The following ROBO1 variants were observed in gnomAD, a reference collection of about 807,000 sequenced individuals.
ROBO1 encodes roundabout guidance receptor 1, also known as roundabout homolog 1.
Under a neutral mutation model 195.9 loss-of-function variants are expected in ROBO1, and 149 were observed. That is an observed-to-expected ratio of 0.76 (90% CI 0.67 to 0.87). ROBO1 has a LOEUF of 0.87. Among genes scored for constraint, ROBO1 ranks in the 40% least tolerant of loss-of-function variants. The probability of loss-of-function intolerance (pLI) is 0.00; values close to 1 mark genes in which losing one functional copy is unlikely to be tolerated. For synonymous variants in ROBO1, 816 were observed against 733.2 expected, an observed-to-expected ratio of 1.11 and a Z score of -1.82; for missense variants, 1,933 against 2,068.3, an observed-to-expected ratio of 0.93 and a Z score of 1.27.
At chr3:78,676,826 G>A (rs899998094) in intron 10 of ROBO1, among the ~76,000 whole-genome samples, 22 of 152,166 alleles carry the variant, frequency 1.4e-4, no homozygotes, top group South Asian at 4.1e-4. Flanking sequence ...TACAGAGAAC[G>A]CCACAAATAT....
chr3:79,002,420 A>C (rs1576545571), intron 3 of ROBO1, among the ~76,000 whole-genome samples: 1 of 152,158 alleles, frequency 6.6e-6, no homozygotes, highest in Non-Finnish European at 1.5e-5. Flanking sequence ...TGAAGAGATA[A>C]AATTAAATAA....
chr3:79,532,902 T>C (rs1282925779), intron 2 of ROBO1: 2 of 193,356 alleles, frequency 1.0e-5, no homozygotes, highest in African/African-American at 4.8e-5. Flanking sequence ...ATGGTTTCAC[T>C]TGGATTAATC....
At chr3:78,953,545 G>C (rs1180418284) in intron 3 of ROBO1, among the ~76,000 whole-genome samples, 1 of 151,906 alleles carries the variant, frequency 6.6e-6, no homozygotes. Flanking sequence ...TCTACCAAGG[G>C]AGGCAGAAAT....
intron 2 of ROBO1, among the ~76,000 whole-genome samples, chr3:79,310,260 T>C (rs975886937): frequency 6.6e-6 from 1 of 152,218 alleles, no homozygotes; most frequent in Admixed American, 6.5e-5. Flanking sequence ...CCTGACTCTG[T>C]TAAAAGCTGC....
intron 2 of ROBO1, among the ~76,000 whole-genome samples, chr3:79,222,072 A>G (rs929896224): frequency 1.3e-5 from 2 of 151,970 alleles, no homozygotes; most frequent in Non-Finnish European, 2.9e-5. Flanking sequence ...GCATACTGTG[A>G]TTTTCTGCCT....
At chr3:79,459,446 T>C (rs1171012462) in intron 2 of ROBO1, among the ~76,000 whole-genome samples, 1 of 151,480 alleles carries the variant, frequency 6.6e-6, no homozygotes, top group African/African-American at 2.4e-5. Context: ...GAGAATTAGT[T>C]TTGATAAGGA....
chr3:79,731,211 G>A (rs185521152), intron 1 of ROBO1, among the ~76,000 whole-genome samples: 5 of 152,262 alleles, frequency 3.3e-5, no homozygotes, highest in Admixed American at 3.3e-4. Flanking sequence ...TTTTTAAAAA[G>A]TGTGTGTGTG....
intron 4 of ROBO1, among the ~76,000 whole-genome samples, chr3:78,828,737 C>T (rs2031871598): frequency 6.6e-6 from 1 of 152,134 alleles, no homozygotes; most frequent in South Asian, 2.1e-4. Flanking sequence ...TTGCCCTTGA[C>T]AAAGGTCAAA....
At chr3:78,898,380 GT>G (rs773377988) in intron 4 of ROBO1, among the ~76,000 whole-genome samples, 665 of 101,072 alleles carry the variant, frequency 6.6e-3, no homozygotes, top group African/African-American at 0.018. Context: ...GATAGATAGG[GT>G]TTTTTTTTTT....
At chr3:79,625,799 T>C (rs527563354) in intron 1 of ROBO1, among the ~76,000 whole-genome samples, 1 of 152,258 alleles carries the variant, frequency 6.6e-6, no homozygotes, top group African/African-American at 2.4e-5. Flanking sequence ...ACTGGTACGA[T>C]TCCTTCTGAA....
chr3:79,127,975 T>A (rs969535319), intron 2 of ROBO1, among the ~76,000 whole-genome samples: 4 of 152,204 alleles, frequency 2.6e-5, no homozygotes, highest in Non-Finnish European at 4.4e-5. Context: ...AAGGTGCTAT[T>A]TTTAGCTGCT....
intron 3 of ROBO1, among the ~76,000 whole-genome samples, chr3:79,115,305 G>T (rs544595794): frequency 6.6e-6 from 1 of 152,284 alleles, no homozygotes; most frequent in Non-Finnish European, 1.5e-5. Flanking sequence ...GGGGTGTTTA[G>T]AGGGGAGAAC....
intron 2 of ROBO1, among the ~76,000 whole-genome samples, chr3:79,192,819 T>C (rs969153618): frequency 2.6e-5 from 4 of 151,656 alleles, no homozygotes; most frequent in South Asian, 2.1e-4. Flanking sequence ...CCAAGTTATC[T>C]ACACTTTGAA....
intron 1 of ROBO1, among the ~76,000 whole-genome samples, chr3:79,724,344 G>A (rs1047012171): frequency 1.3e-5 from 2 of 152,178 alleles, no homozygotes; most frequent in African/African-American, 4.8e-5. Flanking sequence ...GTGTTTCTAA[G>A]CTATTACGTT....
intron 3 of ROBO1, among the ~76,000 whole-genome samples, chr3:79,043,782 C>T (rs1228367433): frequency 6.6e-6 from 1 of 152,012 alleles, no homozygotes; most frequent in African/African-American, 2.4e-5. Flanking sequence ...GAACTCTTGT[C>T]AGAGGGTTAC....
intron 1 of ROBO1, among the ~76,000 whole-genome samples, chr3:79,591,073 A>G (rs925786434): frequency 6.6e-6 from 1 of 151,846 alleles, no homozygotes; most frequent in African/African-American, 2.4e-5. Flanking sequence ...TAGACTTGGC[A>G]GTACTTGACA....
intron 2 of ROBO1, among the ~76,000 whole-genome samples, chr3:79,586,361 G>A (rs1171451959): frequency 6.6e-6 from 1 of 151,892 alleles, no homozygotes; most frequent in Non-Finnish European, 1.5e-5. Flanking sequence ...AGATACTGAA[G>A]TGGTGGTCAA....
chr3:79,525,568 A>AT (rs1190770110), intron 2 of ROBO1, among the ~76,000 whole-genome samples: 2 of 145,352 alleles, frequency 1.4e-5, no homozygotes, highest in Non-Finnish European at 3.0e-5. Context: ...ATATATATAT[A>AT]TTTTTTTTGG....
chr3:79,371,849 G>C (rs2036206830), intron 2 of ROBO1, among the ~76,000 whole-genome samples: 1 of 152,156 alleles, frequency 6.6e-6, no homozygotes, highest in African/African-American at 2.4e-5. Context: ...TAATGTTCTA[G>C]TGCAGTGGTC....
Sources: allele counts gnomAD v4.1 joint callset (sites outside exome capture counted in the v4.1 genomes callset), GRCh38; gene constraint gnomAD v4.1.1; transcripts MANE v1.5; gene names NCBI Gene and HGNC (gene_info 2026-07-23, HGNC 2026-07-21).